The following STARD13 variants were observed in gnomAD, a reference collection of about 807,000 sequenced individuals.
STARD13 encodes StAR related lipid transfer domain containing 13.
STARD13 carries 62 observed loss-of-function variants against 106.4 expected under a neutral mutation model. The observed-to-expected ratio is 0.58, with a 90% CI of 0.48 to 0.72. The LOEUF is 0.72. Ranked by LOEUF, STARD13 falls within the 30% of genes least tolerant of loss-of-function variation. STARD13 has a pLI of 0.00. For missense variants in STARD13, 1,387 were observed against 1,424.0 expected (o/e 0.97, Z 0.42); for synonymous variants, 565 against 553.0 (o/e 1.02, Z -0.31).
upstream of STARD13, among the ~76,000 whole-genome samples, chr13:33,287,134 A>G (rs1483190808): frequency 6.6e-6 from 1 of 152,224 alleles, no homozygotes; most frequent in East Asian, 1.9e-4. Flanking sequence ...GGGAATTTAT[A>G]GTCTAATAAT....
intron 3 of STARD13, chr13:33,164,240 G>C (rs1470700660): frequency 6.6e-6 from 1 of 152,080 alleles, no homozygotes; most frequent in Non-Finnish European, 1.5e-5. Flanking sequence ...AGAAAACACA[G>C]AGTGACTGGT....
At chr13:33,348,428 C>G (rs1170118181), downstream of STARD13, among the ~76,000 whole-genome samples, 1 of 152,154 alleles carries the variant, frequency 6.6e-6, no homozygotes, top group Non-Finnish European at 1.5e-5. Flanking sequence ...CTCTTCCTTC[C>G]CAGATCTCTT....
At chr13:33,325,185 G>A (rs922981483) in intron 1 of STARD13, among the ~76,000 whole-genome samples, 26 of 152,126 alleles carry the variant, frequency 1.7e-4, no homozygotes, top group Non-Finnish European at 4.4e-5. Flanking sequence ...CTGGCACAAC[G>A]GTGTTTTTAG....
chr13:33,209,629 C>T (rs1440407831), intron 1 of STARD13, among the ~76,000 whole-genome samples: 1 of 152,106 alleles, frequency 6.6e-6, no homozygotes, highest in Non-Finnish European at 1.5e-5. Flanking sequence ...TTTCAATCAT[C>T]ATTCCCTTTC....
At chr13:33,471,219 C>T in the STARD13 span, among the ~76,000 whole-genome samples, 1 of 152,154 alleles carries the variant, frequency 6.6e-6, no homozygotes, top group African/African-American at 2.4e-5. Flanking sequence ...TTAAGCCAAA[C>T]ACTTTCATTT....
chr13:33,113,019 G>A (rs951211456), intron 8 of STARD13, 88 bp from the exon 9 acceptor site: 1 of 953,554 alleles, frequency 1.0e-6, no homozygotes, highest in East Asian at 2.4e-5. Flanking sequence ...CATTCCTCGT[G>A]TGAACACGCA....
chr13:33,104,190 C>T lies in STARD13; in HGVS notation c.*1403G>A, dbSNP rs1232105537. On this transcript the variant is annotated 3_prime_UTR_variant, in exon 14 of 14. Transcript: ENST00000336934. ...AAATCTCTCTCCCTGAAATCAAACACACAATAAGTTATCTTTCTCTCTATA... is the reference window on the plus strand; with the variant it reads ...AAATCTCTCTCCCTGAAATCAAACATACAATAAGTTATCTTTCTCTCTATA... 6.6e-6 allele frequency: 1 copy of T among 152,170 alleles called. No homozygotes were observed. Among genetic ancestry groups the T allele is most frequent in the Non-Finnish European group, 1.5e-5 (1 of 68,030 alleles). 9.4% of individuals were successfully genotyped at this position (152,170 alleles called of 1,614,324 possible). A position where few individuals can be genotyped will look rare whatever the true frequency, so the allele number is the denominator to read the frequency against.
chr13:33,321,421 G>A (rs552827109), intron 1 of STARD13, among the ~76,000 whole-genome samples: 2 of 151,550 alleles, frequency 1.3e-5, no homozygotes, highest in Non-Finnish European at 2.9e-5. Flanking sequence ...CACGAGAATC[G>A]CTTGAACCTG....
chr13:33,622,817 G>A, the STARD13 span, among the ~76,000 whole-genome samples: 1 of 151,694 alleles, frequency 6.6e-6, no homozygotes, highest in Non-Finnish European at 1.5e-5. Context: ...CTACTCGGGA[G>A]GCTGAGGCAG....
chr13:33,254,064 G>T (rs1199943889), intron 1 of STARD13, among the ~76,000 whole-genome samples: 3 of 152,152 alleles, frequency 2.0e-5, no homozygotes, highest in African/African-American at 7.2e-5. Context: ...GCTTTGCCTG[G>T]AGTGATCCTC....
chr13:33,591,419 A>G, the STARD13 span, among the ~76,000 whole-genome samples: 1 of 152,232 alleles, frequency 6.6e-6, no homozygotes, highest in Non-Finnish European at 1.5e-5. Context: ...ATGGGATCAT[A>G]TATCCCCTGC....
chr13:33,281,147 G>C (rs528516340), intron 1 of STARD13: 1 of 151,966 alleles, frequency 6.6e-6, no homozygotes, highest in African/African-American at 2.4e-5. Context: ...AGCAATCATA[G>C]TCCATCCACT....
At chr13:33,408,860 G>C in the STARD13 span, among the ~76,000 whole-genome samples, 1 of 151,776 alleles carries the variant, frequency 6.6e-6, no homozygotes, top group African/African-American at 2.4e-5. Context: ...CCTCTGCTTT[G>C]AATGTTCTCT....
chr13:33,564,555 A>G, the STARD13 span, among the ~76,000 whole-genome samples: 2 of 146,522 alleles, frequency 1.4e-5, no homozygotes, highest in African/African-American at 5.1e-5. Context: ...AGAAAAATCA[A>G]CTTATTAAAG....
chr13:33,431,246 A>T, the STARD13 span, among the ~76,000 whole-genome samples: 1 of 152,162 alleles, frequency 6.6e-6, no homozygotes, highest in African/African-American at 2.4e-5. Flanking sequence ...AAATGTGGCA[A>T]GTCTGAATTA....
chr13:33,437,000 A>G, the STARD13 span, among the ~76,000 whole-genome samples: 22 of 152,180 alleles, frequency 1.4e-4, no homozygotes, highest in South Asian at 4.1e-4. Flanking sequence ...TCTGACTACC[A>G]TATTCTGTTA....
the STARD13 span, among the ~76,000 whole-genome samples, chr13:33,408,310 C>T: frequency 6.6e-6 from 1 of 152,128 alleles, no homozygotes. Context: ...TAACTCCCCA[C>T]TTTCCTCTCC....
chr13:33,364,132 T>A, the STARD13 span, among the ~76,000 whole-genome samples: 16 of 151,838 alleles, frequency 1.1e-4, no homozygotes. Context: ...CCCCCAAATC[T>A]ACAGTTTACA....
chr13:33,542,662 C>G, the STARD13 span, among the ~76,000 whole-genome samples: 12 of 152,228 alleles, frequency 7.9e-5, no homozygotes, highest in Non-Finnish European at 1.8e-4. Flanking sequence ...CCGTTCGGTT[C>G]CGGTTCTGGC....
Sources: allele counts gnomAD v4.1 joint callset (sites outside exome capture counted in the v4.1 genomes callset), GRCh38; gene constraint gnomAD v4.1.1; transcripts MANE v1.5; gene names NCBI Gene and HGNC (gene_info 2026-07-23, HGNC 2026-07-21).